TMEM132D: variants seen among roughly 807,000 people sequenced by gnomAD.
TMEM132D encodes the protein mature OL transmembrane protein.
Under a neutral mutation model 62.3 loss-of-function variants are expected in TMEM132D, and 21 were observed. That is an observed-to-expected ratio of 0.34 (90% confidence interval 0.24 to 0.49). TMEM132D has a LOEUF of 0.49. TMEM132D is among the 20% of genes least tolerant of loss of function. The pLI is 0.99. For missense variants in TMEM132D, 1,346 were observed against 1,402.8 expected (o/e 0.96, Z 0.65); for synonymous variants, 621 against 575.6 (o/e 1.08, Z -1.13).
At chr12:129,076,994 G>T (rs904694926) in intron 8 of TMEM132D, among the ~76,000 whole-genome samples, 25 of 152,234 alleles carry the variant, frequency 1.6e-4, no homozygotes, top group Non-Finnish European at 2.9e-4. Flanking sequence ...CTTTGGCCAA[G>T]AATTCGATTC....
intron 5 of TMEM132D, among the ~76,000 whole-genome samples, chr12:129,147,222 ATGTG>A (rs1204388130): frequency 7.3e-6 from 1 of 137,154 alleles, no homozygotes; most frequent in East Asian, 2.0e-4. Context: ...ACATATACAC[ATGTG>A]TATGTATATA....
chr12:129,642,920 C>CTTTTTTTTTT (rs71082742), intron 2 of TMEM132D, among the ~76,000 whole-genome samples: 1 of 105,556 alleles, frequency 9.5e-6, no homozygotes, highest in East Asian at 3.0e-4. Flanking sequence ...ATTTACAAAT[C>CTTTTTTTTTT]TTTTTTTTTT....
chr12:129,736,300 C>T, intron 1 of TMEM132D, among the ~76,000 whole-genome samples: 1 of 152,088 alleles, frequency 6.6e-6, no homozygotes, highest in East Asian at 1.9e-4. Context: ...ATGTTGGTTT[C>T]ACATAAACAG....
At chr12:129,226,680 T>G (rs1472961122) in intron 4 of TMEM132D, among the ~76,000 whole-genome samples, 1 of 152,234 alleles carries the variant, frequency 6.6e-6, no homozygotes, top group Non-Finnish European at 1.5e-5. Flanking sequence ...TATTGGTAGG[T>G]GAGATCTCCT....
chr12:129,073,950 C>A lies in TMEM132D; in HGVS notation c.3225G>T (p.Trp1075Cys), dbSNP rs746410485. 6.2e-7 allele frequency: 1 copy of A among 1,608,358 alleles called. No individual in the cohort carries two copies. The highest frequency in any genetic ancestry group is 8.5e-7 in the Non-Finnish European group (1 of 1,176,940). The part of the protein sequence containing the change: ...IVMSSEDDIK[W>C]VCQDLDPGDC... ...CCCCAGGGTCCAGATCCTGGCAGAC[C>A]CACTTAATGTCATCCTCGCTACTCA... Residue 1075 changes from tryptophan (W) to cysteine (C), a missense_variant, in exon 9 of 9, where the codon TGG becomes TGT. Transcript: ENST00000422113.
chr12:129,158,395 A>C (rs920512295), intron 5 of TMEM132D, among the ~76,000 whole-genome samples: 6 of 148,308 alleles, frequency 4.0e-5, no homozygotes, highest in Non-Finnish European at 7.5e-5. Context: ...GAAAAAAAAA[A>C]TAATGCATTT....
chr12:129,467,907 A>T (rs1873963383), intron 3 of TMEM132D, among the ~76,000 whole-genome samples: 1 of 152,162 alleles, frequency 6.6e-6, no homozygotes, highest in South Asian at 2.1e-4. Context: ...CTTTAGAGGG[A>T]TTAATCAAGC....
intron 3 of TMEM132D, among the ~76,000 whole-genome samples, chr12:129,462,240 G>A (rs892554279): frequency 3.9e-5 from 6 of 152,166 alleles, no homozygotes; most frequent in African/African-American, 1.2e-4. Flanking sequence ...AGGGAGTGTC[G>A]GGGATGTGGA....
intron 5 of TMEM132D, among the ~76,000 whole-genome samples, chr12:129,094,150 G>A (rs924331108): frequency 1.3e-5 from 2 of 152,162 alleles, no homozygotes; most frequent in African/African-American, 4.8e-5. Context: ...AACACCAAAA[G>A]CAATGGCAGC....
chr12:129,832,619 C>T (rs1276636986), intron 1 of TMEM132D, among the ~76,000 whole-genome samples: 1 of 152,134 alleles, frequency 6.6e-6, no homozygotes, highest in Non-Finnish European at 1.5e-5. Flanking sequence ...AGGTCCATCC[C>T]AGCATGGCCA....
intron 4 of TMEM132D, among the ~76,000 whole-genome samples, chr12:129,317,399 G>A (rs991904425): frequency 2.0e-5 from 3 of 152,030 alleles, no homozygotes; most frequent in Non-Finnish European, 4.4e-5. Flanking sequence ...CTTCATATAT[G>A]GTGCTTAGTT....
intron 5 of TMEM132D, among the ~76,000 whole-genome samples, chr12:129,198,012 G>T (rs564540526): frequency 6.6e-6 from 1 of 152,226 alleles, no homozygotes; most frequent in African/African-American, 2.4e-5. Flanking sequence ...GCTACAAATA[G>T]TCAATAGATA....
chr12:129,753,037 T>A (rs1870049261), intron 1 of TMEM132D, among the ~76,000 whole-genome samples: 3 of 152,306 alleles, frequency 2.0e-5, no homozygotes, highest in South Asian at 2.1e-4. Flanking sequence ...TTTAGTACAG[T>A]TTCATGCCCT....
At chr12:129,155,774 A>G (rs182038101) in intron 5 of TMEM132D, among the ~76,000 whole-genome samples, 2 of 152,258 alleles carry the variant, frequency 1.3e-5, no homozygotes, top group Non-Finnish European at 1.5e-5. Context: ...TAGCTAACAC[A>G]TGTACATGCC....
chr12:129,109,770 A>C, intron 5 of TMEM132D: 1 of 159,942 alleles, frequency 6.3e-6, no homozygotes, highest in Non-Finnish European at 1.3e-5. Context: ...AAGTCCAATG[A>C]AACCTCTTTT....
At chr12:129,559,595 G>GT (rs1177091394) in intron 2 of TMEM132D, among the ~76,000 whole-genome samples, 1 of 152,148 alleles carries the variant, frequency 6.6e-6, no homozygotes, top group Non-Finnish European at 1.5e-5. Flanking sequence ...AGCATAAATG[G>GT]TAAATCTCTA....
intron 3 of TMEM132D, among the ~76,000 whole-genome samples, chr12:129,452,214 C>T (rs141510992): frequency 6.6e-5 from 10 of 152,254 alleles, no homozygotes; most frequent in East Asian, 3.9e-4. Flanking sequence ...AAGGGCAGTG[C>T]GTAATAGCGC....
chr12:129,105,730 C>A (rs1026581411), intron 5 of TMEM132D, among the ~76,000 whole-genome samples: 8 of 151,240 alleles, frequency 5.3e-5, no homozygotes, highest in African/African-American at 2.0e-4. Flanking sequence ...CCATCTCACA[C>A]CAGTTAGGAT....
intron 1 of TMEM132D, among the ~76,000 whole-genome samples, chr12:129,773,415 A>C (rs1375584375): frequency 6.6e-6 from 1 of 152,156 alleles, no homozygotes; most frequent in Non-Finnish European, 1.5e-5. Flanking sequence ...TGGTGATTTC[A>C]GTGGAATCAG....
Sources: allele counts gnomAD v4.1 joint callset (sites outside exome capture counted in the v4.1 genomes callset), GRCh38; gene constraint gnomAD v4.1.1; transcripts MANE v1.5; gene names NCBI Gene and HGNC (gene_info 2026-07-23, HGNC 2026-07-21).